SUPT3H: variants seen among roughly 807,000 people sequenced by gnomAD.
SUPT3H encodes the protein transcription initiation protein SPT3 homolog.
Under a neutral mutation model 44.3 loss-of-function variants are expected in SUPT3H, and 44 were observed. The observed-to-expected ratio is 0.99, with a 90% confidence interval of 0.78 to 1.28. The LOEUF is 1.28. Among genes scored for constraint, SUPT3H ranks in the 50% most tolerant of loss-of-function variants. The probability of loss-of-function intolerance (pLI) is 0.00; values close to 1 mark genes in which losing one functional copy is unlikely to be tolerated. For missense variants in SUPT3H, 380 were observed against 387.1 expected, an observed-to-expected ratio of 0.98 and a Z score of 0.15; for synonymous variants, 124 against 125.6, an observed-to-expected ratio of 0.99 and a Z score of 0.09.
chr6:44,956,361 G>A (rs553275523), intron 7 of SUPT3H, among the ~76,000 whole-genome samples: 2 of 150,852 alleles, frequency 1.3e-5, no homozygotes, highest in African/African-American at 2.4e-5. Context: ...GTGCGTGCCT[G>A]TAGTCCCAGC....
At chr6:45,166,838 C>T (rs1418445704) in intron 2 of SUPT3H, among the ~76,000 whole-genome samples, 1 of 152,000 alleles carries the variant, frequency 6.6e-6, no homozygotes, top group Non-Finnish European at 1.5e-5. Context: ...CATTACATAC[C>T]CACTAGAATG....
rs1051635068 is a variant in SUPT3H, at chr6:45,219,709, T to C, written c.102-113703A>G. Among the ~76,000 whole-genome samples the C allele has an allele frequency of 2.6e-5, 4 of 152,144 alleles. No homozygotes were observed. The East Asian group carries it at 7.7e-4, about 29-fold the overall frequency. On this transcript the variant is annotated intron_variant, in intron 2 of 10. Coordinates refer to ENST00000371459, the MANE Select transcript of SUPT3H (RefSeq NM_003599.4). ...TTTAAGTGGAGAATTCAAAATTCTCTAGGCCTAACTGGTTGGGTGGAGAAT... is the reference window on the plus strand; with the variant it reads ...TTTAAGTGGAGAATTCAAAATTCTCCAGGCCTAACTGGTTGGGTGGAGAAT...
chr6:45,148,515 T>A (rs1806446484), intron 2 of SUPT3H, among the ~76,000 whole-genome samples: 1 of 152,136 alleles, frequency 6.6e-6, no homozygotes, highest in African/African-American at 2.4e-5. Flanking sequence ...TACAGAAAAC[T>A]GAACCAAGTC....
At chr6:45,219,405 A>C (rs1180591192) in intron 2 of SUPT3H, among the ~76,000 whole-genome samples, 1 of 152,074 alleles carries the variant, frequency 6.6e-6, no homozygotes, top group Non-Finnish European at 1.5e-5. Context: ...TAACAAAAAT[A>C]GAGAAAAGAC....
At chr6:45,076,630 G>T (rs1409250683) in intron 3 of SUPT3H, among the ~76,000 whole-genome samples, 1 of 152,126 alleles carries the variant, frequency 6.6e-6, no homozygotes, top group Non-Finnish European at 1.5e-5. Context: ...GTGATACAAG[G>T]TTATATTCTG....
intron 10 of SUPT3H, among the ~76,000 whole-genome samples, chr6:44,884,645 C>T (rs938856580): frequency 4.6e-5 from 7 of 152,042 alleles, no homozygotes; most frequent in East Asian, 1.9e-4. Context: ...CCAAGATGGC[C>T]GAATAGGAAC....
intron 3 of SUPT3H, among the ~76,000 whole-genome samples, chr6:45,084,692 C>G (rs1190260969): frequency 6.6e-6 from 1 of 152,104 alleles, no homozygotes; most frequent in Non-Finnish European, 1.5e-5. Context: ...TTCACAATAG[C>G]AAAGACATGG....
chr6:45,240,937 G>C (rs1368407881), intron 2 of SUPT3H, among the ~76,000 whole-genome samples: 1 of 152,136 alleles, frequency 6.6e-6, no homozygotes, highest in Non-Finnish European at 1.5e-5. Flanking sequence ...AATATTTAAA[G>C]CATCCCAGGC....
At chr6:45,184,920 C>G (rs761427306) in intron 2 of SUPT3H, among the ~76,000 whole-genome samples, 8 of 152,100 alleles carry the variant, frequency 5.3e-5, no homozygotes, top group Non-Finnish European at 7.3e-5. Context: ...AGCTTTACCA[C>G]CCACTTTCAG....
chr6:44,900,566 T>G (rs1477371268), intron 10 of SUPT3H, among the ~76,000 whole-genome samples: 1 of 152,220 alleles, frequency 6.6e-6, no homozygotes, highest in African/African-American at 2.4e-5. Context: ...CAAGGAGGCC[T>G]GCCTTACTGT....
At chr6:45,202,770 T>C (rs1464504019) in intron 2 of SUPT3H, among the ~76,000 whole-genome samples, 1 of 152,148 alleles carries the variant, frequency 6.6e-6, no homozygotes, top group Non-Finnish European at 1.5e-5. Flanking sequence ...AATATACAAT[T>C]CTATTTAATG....
chr6:45,221,505 T>C (rs1386133463), intron 2 of SUPT3H, among the ~76,000 whole-genome samples: 1 of 152,154 alleles, frequency 6.6e-6, no homozygotes, highest in African/African-American at 2.4e-5. Flanking sequence ...TAATTACTCC[T>C]AAGACAATTA....
intron 2 of SUPT3H, among the ~76,000 whole-genome samples, chr6:45,124,975 A>G (rs1802218499): frequency 6.6e-6 from 1 of 152,166 alleles, no homozygotes; most frequent in Non-Finnish European, 1.5e-5. Flanking sequence ...GAAGACAGTA[A>G]TGTGACTGGA....
At position 45,246,798 on chromosome 6, in the gene SUPT3H, T is replaced by C. The variant is rs111787934; in HGVS notation, c.101+118403A>G. ...ATTTTTAACTAAATGAAAATGTAAA[T>C]ACAACATATCAAAATTTGTAAGATA... is the stretch of plus-strand genomic sequence containing the variant. On this transcript the variant is annotated intron_variant, in intron 2 of 10. Transcript: ENST00000371459. Among the ~76,000 whole-genome samples, 1,366 of 152,158 alleles carry C rather than the reference T, an allele frequency of 9.0e-3. 14 individuals carry two copies. The highest frequency in any genetic ancestry group is 0.025 in the South Asian group (120 of 4,826).
chr6:44,941,099 T>A (rs1382155417), intron 9 of SUPT3H, among the ~76,000 whole-genome samples: 2 of 152,176 alleles, frequency 1.3e-5, no homozygotes, highest in Non-Finnish European at 2.9e-5. Flanking sequence ...GCTCCTGTGA[T>A]ATTGTTAATT....
intron 9 of SUPT3H, among the ~76,000 whole-genome samples, chr6:44,951,776 C>T (rs1399216825): frequency 2.0e-5 from 3 of 152,276 alleles, no homozygotes; most frequent in Non-Finnish European, 2.9e-5. Flanking sequence ...GGCATGCAAG[C>T]AATCACTTGA....
chr6:44,918,514 C>T (rs539663685), intron 10 of SUPT3H, among the ~76,000 whole-genome samples: 2 of 152,234 alleles, frequency 1.3e-5, no homozygotes, highest in South Asian at 2.1e-4. Flanking sequence ...AGTGACTTTA[C>T]TAGAAGTGGG....
intron 9 of SUPT3H, among the ~76,000 whole-genome samples, chr6:44,947,175 T>A (rs193134415): frequency 1.3e-5 from 2 of 152,348 alleles, no homozygotes; most frequent in East Asian, 3.9e-4. Context: ...AGCGTAAACA[T>A]AATTTTTATA....
In SUPT3H at chr6:45,172,176, G is replaced by A. The variant is rs566577464; in HGVS notation, c.102-66170C>T. Among the ~76,000 whole-genome samples, 387 of 151,112 alleles carry A rather than the reference G, an allele frequency of 2.6e-3. 5 individuals are homozygous for A. The highest frequency in any genetic ancestry group is 8.4e-3 in the African/African-American group (345 of 41,118). On this transcript the variant is annotated intron_variant, in intron 2 of 10. Coordinates refer to ENST00000371459, the MANE Select transcript of SUPT3H (RefSeq NM_003599.4). Reference sequence around the variant, plus strand: ...CAACTTCCATCTCCTGGGTTCAAGCGATTCTCCTCCCTCAGCCTCCAGAGT... The same window carrying A: ...CAACTTCCATCTCCTGGGTTCAAGCAATTCTCCTCCCTCAGCCTCCAGAGT...
Sources: allele counts gnomAD v4.1 joint callset (sites outside exome capture counted in the v4.1 genomes callset), GRCh38; gene constraint gnomAD v4.1.1; transcripts MANE v1.5; gene names NCBI Gene and HGNC (gene_info 2026-07-23, HGNC 2026-07-21).